The following CARS2 variants were observed in gnomAD, a reference collection of about 807,000 sequenced individuals.
CARS2 encodes cysteinyl-tRNA synthetase 2, mitochondrial, also known as probable cysteine--tRNA ligase, mitochondrial.
A neutral mutation model predicts 68.8 loss-of-function variants in CARS2; 52 were observed. The ratio of observed to expected loss-of-function variants is 0.76; its 90% CI spans 0.61 to 0.95. The LOEUF (loss-of-function observed/expected upper bound fraction) is 0.95. Among genes scored for constraint, CARS2 ranks in the 40% least tolerant of loss-of-function variants. The probability of loss-of-function intolerance (pLI) is 0.00; values close to 1 mark genes in which losing one functional copy is unlikely to be tolerated. For missense variants in CARS2, 780 were observed against 754.2 expected (o/e 1.03, Z -0.40); for synonymous variants, 314 against 303.6 (o/e 1.03, Z -0.36).
chr13:110,692,808 T>C (rs375530770), intron 3 of CARS2, among the ~76,000 whole-genome samples: 9 of 151,868 alleles, frequency 5.9e-5, no homozygotes, highest in African/African-American at 2.2e-4. Context: ...CGTGAAACTC[T>C]GTCTCAAAAA....
intron 1 of CARS2, chr13:110,713,082 C>A: frequency 6.9e-7 from 1 of 1,443,308 alleles, no homozygotes; most frequent in South Asian, 1.4e-5. Context: ...CCCTTCCTTC[C>A]GCCTCCCGGA....
chr13:110,657,916 G>C (rs1214500192), intron 9 of CARS2, among the ~76,000 whole-genome samples: 1 of 152,214 alleles, frequency 6.6e-6, no homozygotes, highest in African/African-American at 2.4e-5. Context: ...TGCACTGTGA[G>C]TTCACAGCAT....
intron 9 of CARS2, chr13:110,662,762 T>C (rs999072899): frequency 1.5e-4 from 27 of 178,168 alleles, no homozygotes; most frequent in Admixed American, 6.7e-4. Flanking sequence ...AATTATTTTG[T>C]GAGGAGCAGT....
intron 2 of CARS2, among the ~76,000 whole-genome samples, chr13:110,703,778 A>G (rs2063860060): frequency 6.6e-6 from 1 of 152,258 alleles, no homozygotes; most frequent in Non-Finnish European, 1.5e-5. Flanking sequence ...CTGGGAGGAG[A>G]TGGGCCTACC....
intron 9 of CARS2, among the ~76,000 whole-genome samples, chr13:110,656,680 C>G (rs2062377489): frequency 6.6e-6 from 1 of 152,110 alleles, no homozygotes; most frequent in Non-Finnish European, 1.5e-5. Flanking sequence ...GTCAGGAGAT[C>G]AAGACCATCC....
chr13:110,713,053 C>G, intron 1 of CARS2: 1 of 1,463,494 alleles, frequency 6.8e-7, no homozygotes, highest in Non-Finnish European at 9.0e-7. Context: ...GCCGCCACTT[C>G]CGCCCGTGCC....
At chr13:110,656,499 CAG>C (rs1026806972) in intron 9 of CARS2, among the ~76,000 whole-genome samples, 1 of 152,110 alleles carries the variant, frequency 6.6e-6, no homozygotes, top group African/African-American at 2.4e-5. Flanking sequence ...ATCACAGAAA[CAG>C]AAAGTAGATG....
rs138404507 is a variant in CARS2 at position 110,646,614 on chromosome 13, G to A, written c.1193+487C>T. 1.9e-3 allele frequency: 305 copies of A among 162,828 alleles called. 1 individual carries two copies. The highest frequency in any genetic ancestry group is 0.019 in the South Asian group (102 of 5,492). The allele number at this position is 162,828 out of a possible 1,614,324, so 10.1% of individuals were successfully genotyped here. ...ACACCCGTGGGTGGGGAGTGGAGGC[G>A]ATGCTGTGGGCCCAGGCCTGTGTGT... On this transcript the variant is annotated intron_variant, in intron 11 of 14. Coordinates refer to ENST00000257347, the MANE Select transcript of CARS2 (RefSeq NM_024537.4).
rs934691303 is a variant in CARS2 at position 110,705,747 on chromosome 13, C to T, written c.224+123G>A. The stretch of plus-strand genomic sequence containing the variant: ...CTGCAAAAGCACCGCGCACCCCCAG[C>T]TTCTAGAACGGCGCCCTCCATGCAG... On this transcript the variant is annotated intron_variant, in intron 1 of 14. Coordinates refer to ENST00000257347, the MANE Select transcript of CARS2 (RefSeq NM_024537.4). This position sits in a 1 kb window ranked among gnomAD's most constrained non-coding sequence, Gnocchi z 4.0. The T allele has an allele frequency of 6.5e-7, 1 of 1,537,132 alleles. No individual in the cohort carries two copies. The highest frequency in any genetic ancestry group is 1.4e-5 in the African/African-American group (1 of 72,960).
In CARS2 at chr13:110,642,302, G is replaced by T; in HGVS notation, c.1623+13C>A. The T allele has an allele frequency of 6.5e-7, 1 of 1,545,062 alleles. No individual in the cohort carries two copies. Among genetic ancestry groups the T allele is most frequent in the Non-Finnish European group, 8.7e-7 (1 of 1,142,996 alleles). ...TCCTGGGGTGATGTCCCTGACCTTG[G>T]TGCGGCACTCACCTTGATGTTGATG... is the stretch of plus-strand genomic sequence containing the variant. On this transcript the variant is annotated intron_variant, in intron 14 of 14. Coordinates refer to ENST00000257347, the MANE Select transcript of CARS2 (RefSeq NM_024537.4).
upstream of CARS2, chr13:110,706,261 G>T: frequency 2.4e-6 from 1 of 413,566 alleles, no homozygotes; most frequent in Non-Finnish European, 3.9e-6. Context: ...GGCTCGAGTC[G>T]CCCGCGGCAA....
At chr13:110,701,669 T>G (rs1259695430) in intron 2 of CARS2, 114 bp from the exon 3 acceptor site, 1 of 664,286 alleles carries the variant, frequency 1.5e-6, no homozygotes, top group Non-Finnish European at 2.7e-6. Flanking sequence ...TGTAGCACAA[T>G]GGACAGGTCA....
rs748546967 is a variant in CARS2, at chr13:110,705,395, A to G, written c.275+126T>C. 38 of 662,992 alleles carry G rather than the reference A, an allele frequency of 5.7e-5. No individual in the cohort carries two copies. Among genetic ancestry groups the G allele is most frequent in the Non-Finnish European group, 9.0e-5 (35 of 389,100 alleles). The allele number at this position is 662,992 out of a possible 1,614,324, so 41.1% of individuals were successfully genotyped here. ...AAATGAGGTTGTAACATTTCCCACA[A>G]TGCCTGGAATGTAGGAATTATTCTG... On this transcript the variant is annotated intron_variant, in intron 2 of 14. Coordinates refer to ENST00000257347, the MANE Select transcript of CARS2 (RefSeq NM_024537.4). The surrounding 1 kb of genome is among the most constrained non-coding windows in gnomAD (Gnocchi z 4.0).
At chr13:110,671,818 C>G (rs913306729) in intron 7 of CARS2, among the ~76,000 whole-genome samples, 2 of 152,046 alleles carry the variant, frequency 1.3e-5, no homozygotes, top group African/African-American at 4.8e-5. Flanking sequence ...TTCAGGAGAC[C>G]CATCTCACGT....
At chr13:110,708,369 C>T (rs1275720641), upstream of CARS2, among the ~76,000 whole-genome samples, 2 of 152,146 alleles carry the variant, frequency 1.3e-5, no homozygotes, top group Admixed American at 6.5e-5. Flanking sequence ...TGAGAACACA[C>T]GAATTCAAGG....
chr13:110,664,561 G>T, intron 8 of CARS2: 1 of 945,026 alleles, frequency 1.1e-6, no homozygotes, highest in Non-Finnish European at 1.3e-6. Context: ...CAATTAGAAT[G>T]TGATTTCCAA....
At chr13:110,694,982 A>G (rs2063579258) in intron 3 of CARS2, among the ~76,000 whole-genome samples, 1 of 152,136 alleles carries the variant, frequency 6.6e-6, no homozygotes, top group Non-Finnish European at 1.5e-5. Flanking sequence ...GATCTCATAT[A>G]GAAAATATTA....
In CARS2 at chr13:110,663,457, A is replaced by G. The variant is rs2062564641; in HGVS notation, c.981T>C (p.Thr327=). 6.2e-7 allele frequency: 1 copy of G among 1,613,140 alleles called. No individual in the cohort carries two copies. The change falls in exon 9 of 15, where the codon ACT becomes ACC. Residue 327 remains threonine (T), a synonymous_variant. Coordinates refer to ENST00000257347, the MANE Select transcript of CARS2 (RefSeq NM_024537.4). ...KMSKSLKNYI[T]IKDFLKTFSP... is the part of the protein sequence containing the mutation. ...AATACAAAAAGCACGTTACCTTAAT[A>G]GTAATGTAGTTCTTTAATGATTTGG...
chr13:110,712,801 G>A (rs1447325018), intron 1 of CARS2: 1 of 766,330 alleles, frequency 1.3e-6, no homozygotes, highest in Admixed American at 2.0e-5. Flanking sequence ...CGCCCCTCGG[G>A]CCTATCCACC....
Sources: gnomAD v4.1 joint callset for allele counts (sites outside exome capture counted in the v4.1 genomes callset) on GRCh38, gnomAD v4.1.1 for gene constraint, Gnocchi (gnomAD v3.1) non-coding constraint, MANE v1.5 for transcripts, NCBI Gene and HGNC (gene_info 2026-07-23, HGNC 2026-07-21) for gene names.